MRTFB: variants seen among roughly 807,000 people sequenced by gnomAD.
MRTFB encodes myocardin related transcription factor B.
Under a neutral mutation model 104.2 loss-of-function variants are expected in MRTFB, and 29 were observed. That is an observed-to-expected ratio of 0.28 (90% CI 0.21 to 0.38). The LOEUF (loss-of-function observed/expected upper bound fraction) is 0.38. MRTFB is among the 10% of genes least tolerant of loss of function. MRTFB has a pLI of 1.00. For synonymous variants in MRTFB, 535 were observed against 519.5 expected (o/e 1.03, Z -0.41); for missense variants, 1,270 against 1,341.6 (o/e 0.95, Z 0.83).
intron 3 of MRTFB, among the ~76,000 whole-genome samples, chr16:14,169,378 A>G (rs2039349906): frequency 6.6e-6 from 1 of 152,036 alleles, no homozygotes; most frequent in Non-Finnish European, 1.5e-5. Flanking sequence ...TGTCAGTCCC[A>G]CTCAGGTCCG....
chr16:14,208,319 A>T (rs2041039456), intron 3 of MRTFB, among the ~76,000 whole-genome samples: 1 of 152,174 alleles, frequency 6.6e-6, no homozygotes, highest in South Asian at 2.1e-4. Context: ...GTTGTTGCAG[A>T]TGTATGCATC....
At chr16:14,200,359 G>T in intron 3 of MRTFB, 1 of 1,608,032 alleles carries the variant, frequency 6.2e-7, no homozygotes. Context: ...GGGCCGCCAT[G>T]TTGCAGCAGG....
At chr16:14,132,978 C>CA (rs2037514324) in intron 2 of MRTFB, among the ~76,000 whole-genome samples, 1 of 152,082 alleles carries the variant, frequency 6.6e-6, no homozygotes, top group East Asian at 1.9e-4. Context: ...AATATGAATG[C>CA]AAAAAAATTT....
At chr16:14,095,099 A>G (rs373504692) in intron 2 of MRTFB, among the ~76,000 whole-genome samples, 1 of 152,248 alleles carries the variant, frequency 6.6e-6, no homozygotes, top group African/African-American at 2.4e-5. Context: ...AGATTATGAT[A>G]GCAAAGGCTA....
the MRTFB span, chr16:14,020,850 A>G: frequency 2.6e-5 from 4 of 152,226 alleles, no homozygotes; most frequent in East Asian, 1.9e-4. Flanking sequence ...TGGACTCTGC[A>G]CCAAAATATG....
chr16:14,048,683 A>G, the MRTFB span, among the ~76,000 whole-genome samples: 3 of 152,216 alleles, frequency 2.0e-5, no homozygotes, highest in Non-Finnish European at 4.4e-5. Flanking sequence ...CATGTCTTCA[A>G]AGGAATTATT....
intron 8 of MRTFB, among the ~76,000 whole-genome samples, chr16:14,229,576 C>T (rs1368848931): frequency 1.3e-5 from 2 of 152,192 alleles, no homozygotes; most frequent in African/African-American, 4.8e-5. Context: ...TGGCCCTTGT[C>T]CTGTGTACCA....
intron 2 of MRTFB, among the ~76,000 whole-genome samples, chr16:14,108,839 T>G (rs940808896): frequency 6.6e-6 from 1 of 152,190 alleles, no homozygotes; most frequent in Non-Finnish European, 1.5e-5. Context: ...AAAGAAAACC[T>G]TTCCCCCATC....
chr16:14,035,925 T>C, the MRTFB span, among the ~76,000 whole-genome samples: 1 of 151,486 alleles, frequency 6.6e-6, no homozygotes, highest in African/African-American at 2.4e-5. Context: ...GTCGTTCTTA[T>C]GCCTTTGCAT....
At chr16:14,035,433 C>G in the MRTFB span, among the ~76,000 whole-genome samples, 2 of 152,144 alleles carry the variant, frequency 1.3e-5, no homozygotes, top group African/African-American at 2.4e-5. Flanking sequence ...ATTTATCCGG[C>G]CTTGGTGCAA....
At chr16:14,227,731 C>T (rs1311818687) in intron 8 of MRTFB, among the ~76,000 whole-genome samples, 1 of 152,010 alleles carries the variant, frequency 6.6e-6, no homozygotes, top group East Asian at 1.9e-4. Flanking sequence ...AGGTTGGTCT[C>T]AAACTCCTGA....
the MRTFB span, among the ~76,000 whole-genome samples, chr16:14,025,236 C>T: frequency 5.9e-5 from 9 of 152,130 alleles, no homozygotes; most frequent in Non-Finnish European, 1.3e-4. Context: ...GCTGAAGTGC[C>T]GTGGTGCAAT....
At chr16:14,133,313 T>C (rs1466117826) in intron 2 of MRTFB, among the ~76,000 whole-genome samples, 2 of 152,240 alleles carry the variant, frequency 1.3e-5, no homozygotes, top group African/African-American at 4.8e-5. Context: ...TAATGACTCC[T>C]CTTTAAACTT....
At chr16:14,252,969 C>T (rs946961610) in intron 15 of MRTFB, among the ~76,000 whole-genome samples, 9 of 152,166 alleles carry the variant, frequency 5.9e-5, no homozygotes, top group Admixed American at 5.2e-4. Context: ...CCCCAGCAGG[C>T]CAGCCCATCC....
intron 2 of MRTFB, among the ~76,000 whole-genome samples, chr16:14,129,105 TACTC>T (rs1213493014): frequency 1.3e-4 from 20 of 152,372 alleles, no homozygotes; most frequent in African/African-American, 4.8e-4. Context: ...TTCCTCTTAT[TACTC>T]AGTAGTATTC....
chr16:14,230,904 C>A (rs1349921270), intron 8 of MRTFB, among the ~76,000 whole-genome samples: 5 of 151,138 alleles, frequency 3.3e-5, no homozygotes, highest in Admixed American at 1.3e-4. Flanking sequence ...CAATGATAGA[C>A]TGGATTAAGA....
chr16:14,133,027 T>A (rs538704904), intron 2 of MRTFB, among the ~76,000 whole-genome samples: 1 of 152,366 alleles, frequency 6.6e-6, no homozygotes, highest in East Asian at 1.9e-4. Context: ...TAAATAATAC[T>A]ACAATATATC....
chr16:14,161,801 G>A (rs2039049290), intron 3 of MRTFB, among the ~76,000 whole-genome samples: 1 of 152,124 alleles, frequency 6.6e-6, no homozygotes, highest in African/African-American at 2.4e-5. Context: ...TCCAAATCAT[G>A]CACATATATG....
At chr16:14,053,406 A>G in the MRTFB span, among the ~76,000 whole-genome samples, 2 of 152,192 alleles carry the variant, frequency 1.3e-5, no homozygotes, top group African/African-American at 4.8e-5. Flanking sequence ...GAGGCAACAT[A>G]GTGAGACCTT....
Sources: allele counts gnomAD v4.1 joint callset (sites outside exome capture counted in the v4.1 genomes callset), GRCh38; gene constraint gnomAD v4.1.1; transcripts MANE v1.5; gene names NCBI Gene and HGNC (gene_info 2026-07-23, HGNC 2026-07-21).